CLIC6: variants seen among roughly 807,000 people sequenced by gnomAD.
CLIC6 encodes the protein chloride intracellular channel protein 6.
In CLIC6, 39 loss-of-function variants were observed where a neutral mutation model predicts 49.2. The ratio of observed to expected loss-of-function variants is 0.79; its 90% CI spans 0.61 to 1.04. The LOEUF is 1.04. Ranked by LOEUF, CLIC6 falls within the 50% of genes least tolerant of loss-of-function variation. CLIC6 has a pLI of 0.00. For synonymous variants in CLIC6, 446 were observed against 433.4 expected (o/e 1.03, Z -0.36); for missense variants, 988 against 993.1 (o/e 0.99, Z 0.07).
chr21:34,676,201 T>G (rs149910760), intron 1 of CLIC6, among the ~76,000 whole-genome samples: 1,755 of 152,308 alleles, frequency 0.012, 37 homozygotes, highest in African/African-American at 0.038. Context: ...GGTCCTTTAG[T>G]CATGTGAATG....
At chr21:34,698,487 GGAGGAAGGAAGGAAA>G (rs979522487) in intron 1 of CLIC6, among the ~76,000 whole-genome samples, 4 of 151,602 alleles carry the variant, frequency 2.6e-5, no homozygotes, top group South Asian at 2.1e-4. Flanking sequence ...AAGACAGAAG[GGAGGAAGGAAGGAAA>G]GAGGAAGGAA....
At chr21:34,681,762 C>T (rs145910138) in intron 1 of CLIC6, among the ~76,000 whole-genome samples, 5 of 152,252 alleles carry the variant, frequency 3.3e-5, no homozygotes, top group Non-Finnish European at 4.4e-5. Context: ...AAGTTACATG[C>T]TGTAACTTCT....
chr21:34,677,942 A>G (rs1471656739), intron 1 of CLIC6, among the ~76,000 whole-genome samples: 1 of 152,236 alleles, frequency 6.6e-6, no homozygotes, highest in Non-Finnish European at 1.5e-5. Flanking sequence ...TAAAAGAAGA[A>G]TAATTCATGA....
chr21:34,707,504 C>G, intron 2 of CLIC6, 115 bp downstream of exon 2: 1 of 732,436 alleles, frequency 1.4e-6, no homozygotes, highest in South Asian at 1.7e-5. Flanking sequence ...GCACGTCCAT[C>G]CTCAGTCGGA....
intron 5 of CLIC6, among the ~76,000 whole-genome samples, chr21:34,713,314 C>T (rs1169543278): frequency 6.6e-6 from 1 of 152,060 alleles, no homozygotes; most frequent in African/African-American, 2.4e-5. Context: ...TGAGAAAAAT[C>T]TCAAAGACAA....
In CLIC6 at chr21:34,670,301, T is replaced by C; in HGVS notation, c.913T>C (p.Ser305Pro). Residue 305 changes from serine to proline, a missense_variant, in exon 1 of 6, where the codon TCG becomes CCG. By Grantham distance (74) the Ser-to-Pro change is moderately conservative. Transcript: ENST00000349499. ...GCAGCAATCGGGGGACGGCAGCCTC[T>C]CGCCCCAGGCCGAGGCAATTGAGGT... ...EPQQSGDGSLSPQAEAIEVAA... is the reference protein window; with the variant it reads ...EPQQSGDGSLPPQAEAIEVAA... 1 of 1,442,594 alleles carries C rather than the reference T, an allele frequency of 6.9e-7. No homozygotes were observed. The highest frequency in any genetic ancestry group is 9.1e-7 in the Non-Finnish European group (1 of 1,101,162). The allele number at this position is 1,442,594 out of a possible 1,614,324, so 89.4% of individuals were successfully genotyped here.
chr21:34,709,965 T>C (rs1308815930), intron 5 of CLIC6, among the ~76,000 whole-genome samples: 1 of 152,152 alleles, frequency 6.6e-6, no homozygotes, highest in African/African-American at 2.4e-5. Flanking sequence ...AGAGGAGTGT[T>C]CTATTAGCTT....
chr21:34,696,214 T>C (rs967503202), intron 1 of CLIC6, among the ~76,000 whole-genome samples: 2 of 152,176 alleles, frequency 1.3e-5, no homozygotes, highest in Non-Finnish European at 2.9e-5. Context: ...CCACCAAAGT[T>C]GTCCACCAGG....
intron 1 of CLIC6, among the ~76,000 whole-genome samples, chr21:34,687,533 G>A (rs1287647440): frequency 6.6e-6 from 1 of 152,198 alleles, no homozygotes; most frequent in Non-Finnish European, 1.5e-5. Flanking sequence ...ATACCAGTTT[G>A]TTTGCTCAAG....
At chr21:34,682,800 C>CTTTT (rs1402875722) in intron 1 of CLIC6, among the ~76,000 whole-genome samples, 2 of 80,008 alleles carry the variant, frequency 2.5e-5, no homozygotes, top group South Asian at 3.9e-4. Context: ...CCTTTCCCTC[C>CTTTT]ATTTTTTTTT....
chr21:34,698,016 C>G (rs1990117736), intron 1 of CLIC6, among the ~76,000 whole-genome samples: 1 of 152,320 alleles, frequency 6.6e-6, no homozygotes, highest in African/African-American at 2.4e-5. Context: ...TAAGGAATCT[C>G]ATAGGCCTGT....
chr21:34,702,403 C>A (rs1325831916), intron 1 of CLIC6, among the ~76,000 whole-genome samples: 1 of 152,128 alleles, frequency 6.6e-6, no homozygotes, highest in African/African-American at 2.4e-5. Flanking sequence ...GCCAGGGCTC[C>A]CGCGTGTCTC....
chr21:34,684,334 A>G (rs1989836206), intron 1 of CLIC6, among the ~76,000 whole-genome samples: 1 of 152,210 alleles, frequency 6.6e-6, no homozygotes, highest in Admixed American at 6.5e-5. Flanking sequence ...CCGGGTGGGA[A>G]GAGCAGGCTG....
intron 1 of CLIC6, among the ~76,000 whole-genome samples, chr21:34,689,310 C>T (rs896544428): frequency 2.0e-5 from 3 of 152,202 alleles, no homozygotes; most frequent in African/African-American, 7.2e-5. Flanking sequence ...GTGCTCAGCA[C>T]AACCCCACAG....
At chr21:34,680,038 G>T (rs1016371935) in intron 1 of CLIC6, among the ~76,000 whole-genome samples, 4 of 152,228 alleles carry the variant, frequency 2.6e-5, no homozygotes, top group African/African-American at 7.2e-5. Context: ...TCTGTGTGGG[G>T]GCTCTGACCC....
chr21:34,693,277 A>T (rs1990029075), intron 1 of CLIC6, among the ~76,000 whole-genome samples: 1 of 152,220 alleles, frequency 6.6e-6, no homozygotes, highest in Non-Finnish European at 1.5e-5. Context: ...CCTGTGTAGC[A>T]GGGAATCACT....
In CLIC6 at chr21:34,716,462, G is replaced by A; in HGVS notation, c.2041G>A (p.Val681Ile). 1 of 1,609,234 alleles carries A rather than the reference G, an allele frequency of 6.2e-7. No homozygotes were observed. Among genetic ancestry groups the A allele is most frequent in the Non-Finnish European group, 8.5e-7 (1 of 1,178,170 alleles). The change falls in exon 6 of 6, where the codon GTT becomes ATT. Residue 681 changes from valine (V) to isoleucine (I), a missense_variant. Physicochemically the swap from Val to Ile is conservative, Grantham distance 29. Transcript: ENST00000349499. Reference sequence around the variant, plus strand: ...AGAGATTGAACACGCATATTCAGATGTTGCAAAAAGAATGAAATGAAGCTG... The same window carrying A: ...AGAGATTGAACACGCATATTCAGATATTGCAAAAAGAATGAAATGAAGCTG... ...DQEIEHAYSD[V>I]AKRMK
At chr21:34,690,033 A>G (rs992706483) in intron 1 of CLIC6, among the ~76,000 whole-genome samples, 5 of 152,080 alleles carry the variant, frequency 3.3e-5, no homozygotes, top group Non-Finnish European at 7.4e-5. Context: ...GACTTTCATT[A>G]TTTTCTGAGT....
intron 1 of CLIC6, among the ~76,000 whole-genome samples, chr21:34,674,519 T>C (rs556195305): frequency 6.6e-6 from 1 of 152,344 alleles, no homozygotes; most frequent in South Asian, 2.1e-4. Context: ...TAATATATTC[T>C]CCATCTTTAT....
Sources: gnomAD v4.1 joint callset for allele counts (sites outside exome capture counted in the v4.1 genomes callset) on GRCh38, gnomAD v4.1.1 for gene constraint, MANE v1.5 for transcripts, NCBI Gene and HGNC (gene_info 2026-07-23, HGNC 2026-07-21) for gene names.